Variants in MARK1 observed in about 807,000 individuals in gnomAD.
MARK1 encodes the protein serine/threonine-protein kinase MARK1.
MARK1 carries 40 observed loss-of-function variants against 96.3 expected under a neutral mutation model. That is an observed-to-expected ratio of 0.42 (90% CI 0.32 to 0.54). The LOEUF (loss-of-function observed/expected upper bound fraction) is 0.54. MARK1 is among the 20% of genes least tolerant of loss of function. The probability of loss-of-function intolerance (pLI) is 0.16; values close to 1 mark genes in which losing one functional copy is unlikely to be tolerated. For synonymous variants in MARK1, 317 were observed against 341.2 expected, an observed-to-expected ratio of 0.93 and a Z score of 0.78; for missense variants, 719 against 984.6, an observed-to-expected ratio of 0.73 and a Z score of 3.61.
chr1:220,564,352 T>C (rs888871757), intron 1 of MARK1, among the ~76,000 whole-genome samples: 11 of 152,218 alleles, frequency 7.2e-5, no homozygotes, highest in African/African-American at 2.7e-4. Context: ...CTTTGTTTCA[T>C]ACATGAAAAT....
At chr1:220,600,745 T>A (rs1002230528) in intron 5 of MARK1, among the ~76,000 whole-genome samples, 2 of 152,178 alleles carry the variant, frequency 1.3e-5, no homozygotes, top group Non-Finnish European at 1.5e-5. Context: ...AAAAACTTAG[T>A]GTTGAACTTA....
At chr1:220,566,838 T>C (rs1663093291) in intron 1 of MARK1, among the ~76,000 whole-genome samples, 1 of 152,166 alleles carries the variant, frequency 6.6e-6, no homozygotes, top group Admixed American at 6.5e-5. Flanking sequence ...TGAATGCTTT[T>C]TTAGACATTA....
chr1:220,598,164 G>A (rs1665498741), intron 3 of MARK1, among the ~76,000 whole-genome samples, 167 bp from the exon 4 acceptor site: 2 of 151,990 alleles, frequency 1.3e-5, no homozygotes, highest in Admixed American at 6.6e-5. Context: ...AGTTAACATA[G>A]CTTGTTTGTA....
chr1:220,629,352 CTT>C (rs77070158), intron 9 of MARK1, among the ~76,000 whole-genome samples: 62 of 134,318 alleles, frequency 4.6e-4, no homozygotes, highest in Admixed American at 4.5e-4. Flanking sequence ...ACAAGATTGC[CTT>C]TTTTTTTTTT....
At chr1:220,585,997 A>G (rs1311082442) in intron 3 of MARK1, among the ~76,000 whole-genome samples, 1,170 of 27,014 alleles carry the variant, frequency 0.043, 15 homozygotes, top group African/African-American at 0.057. Flanking sequence ...ACACACACAC[A>G]CACACACACA....
At chr1:220,632,107 T>G (rs1667710178) in intron 10 of MARK1, 94 bp from the exon 11 acceptor site, 2 of 562,080 alleles carry the variant, frequency 3.6e-6, no homozygotes, top group Non-Finnish European at 6.3e-6. Context: ...TGACTAAGTT[T>G]TCATATTCAA....
chr1:220,587,391 G>A (rs552890003), intron 3 of MARK1, among the ~76,000 whole-genome samples: 10 of 142,428 alleles, frequency 7.0e-5, no homozygotes, highest in Non-Finnish European at 9.1e-5. Flanking sequence ...TTTTTTGGAC[G>A]GAGTTTCACT....
chr1:220,631,488 A>G (rs748531032), intron 10 of MARK1, among the ~76,000 whole-genome samples: 47 of 152,196 alleles, frequency 3.1e-4, no homozygotes, highest in Non-Finnish European at 4.4e-4. Context: ...AACCAAAGAC[A>G]TAGAGGCACC....
chr1:220,583,902 G>A lies in MARK1; in HGVS notation c.309+2784G>A, dbSNP rs185608010. ...AGGATGGTCTCGATCTCCTGACCTC[G>A]TGATATACCCACCTCGGCCTCCCAA... On this transcript the variant is annotated intron_variant, in intron 3 of 17. Coordinates refer to ENST00000366917, the MANE Select transcript of MARK1 (RefSeq NM_018650.5). Among the ~76,000 whole-genome samples the A allele has an allele frequency of 2.7e-5, 4 of 145,796 alleles. No homozygotes were observed. The East Asian group carries it at 6.1e-4, about 22-fold the overall frequency.
Position 220,647,197 on chromosome 1 carries a change from C to T in MARK1, c.1471-3423C>T, listed in dbSNP as rs193181043. Reference sequence around the variant, plus strand: ...ATCCAGAATCTACAAGGAACTTAAGCAAATTTACAAGAAAAAAAGAACCCC... The same window carrying T: ...ATCCAGAATCTACAAGGAACTTAAGTAAATTTACAAGAAAAAAAGAACCCC... On this transcript the variant is annotated intron_variant, in intron 13 of 17. Transcript: ENST00000366917. Among the ~76,000 whole-genome samples, 1,133 of 151,966 alleles carry T rather than the reference C, an allele frequency of 7.5e-3. 14 individuals carry two copies. The highest frequency in any genetic ancestry group is 0.025 in the African/African-American group (1,021 of 41,468).
chr1:220,647,871 AAC>A (rs1668665364), intron 13 of MARK1, among the ~76,000 whole-genome samples: 1 of 152,122 alleles, frequency 6.6e-6, no homozygotes, highest in African/African-American at 2.4e-5. Context: ...AGAGGGGAAC[AAC>A]ACACACTGGG....
chr1:220,535,712 G>A (rs1660638483), intron 1 of MARK1, among the ~76,000 whole-genome samples: 1 of 152,084 alleles, frequency 6.6e-6, no homozygotes, highest in Admixed American at 6.5e-5. Flanking sequence ...TGAGGGTCCA[G>A]TGTCATTCTT....
At position 220,579,536 on chromosome 1, in the gene MARK1, A is replaced by G. The variant is rs374388496; in HGVS notation, c.234A>G (p.Arg78=). The G allele has an allele frequency of 1.2e-6, 2 of 1,613,998 alleles. No individual in the cohort carries two copies. The highest frequency in any genetic ancestry group is 2.7e-5 in the African/African-American group (2 of 75,052). The change falls in exon 2 of 18, where the codon AGA becomes AGG. Residue 78 remains arginine, a synonymous_variant. Coordinates refer to ENST00000366917, the MANE Select transcript of MARK1 (RefSeq NM_018650.5). ...KGNFAKVKLA[R]HVLTGREVAV... ...ATTTTGCCAAAGTCAAATTGGCAAG[A>G]CACGTTCTAACTGGTAGAGAGGTAA...
At chr1:220,577,409 C>T (rs1644948925) in intron 1 of MARK1, among the ~76,000 whole-genome samples, 1 of 152,216 alleles carries the variant, frequency 6.6e-6, no homozygotes, top group Admixed American at 6.5e-5. Flanking sequence ...TAATTAAAAT[C>T]TCTTGTTTCT....
intron 9 of MARK1, among the ~76,000 whole-genome samples, chr1:220,624,753 A>G (rs1429887941): frequency 6.6e-6 from 1 of 152,232 alleles, no homozygotes; most frequent in Non-Finnish European, 1.5e-5. Context: ...TTAACTGAGA[A>G]ACATCAGAAA....
chr1:220,641,948 C>G (rs1020040113), intron 13 of MARK1, among the ~76,000 whole-genome samples: 1 of 152,224 alleles, frequency 6.6e-6, no homozygotes, highest in Non-Finnish European at 1.5e-5. Flanking sequence ...CCTACACCAC[C>G]AGAGCCCTGG....
At chr1:220,633,531 T>C (rs939682389) in intron 11 of MARK1, among the ~76,000 whole-genome samples, 2 of 152,210 alleles carry the variant, frequency 1.3e-5, no homozygotes, top group African/African-American at 4.8e-5. Context: ...GTCTCTGCTC[T>C]CAAGGAGCCC....
chr1:220,578,757 A>T (rs1198316425), intron 1 of MARK1, among the ~76,000 whole-genome samples: 1 of 152,196 alleles, frequency 6.6e-6, no homozygotes, highest in Admixed American at 6.5e-5. Flanking sequence ...TAACACCTTT[A>T]TAGGAATAAT....
At chr1:220,550,383 T>G (rs1224378011) in intron 1 of MARK1, among the ~76,000 whole-genome samples, 2 of 152,202 alleles carry the variant, frequency 1.3e-5, no homozygotes, top group Non-Finnish European at 1.5e-5. Context: ...GACAAGGTCT[T>G]GCTCCGTTGC....
Sources: gnomAD v4.1 joint callset for allele counts (sites outside exome capture counted in the v4.1 genomes callset) on GRCh38, gnomAD v4.1.1 for gene constraint, MANE v1.5 for transcripts, NCBI Gene and HGNC (gene_info 2026-07-23, HGNC 2026-07-21) for gene names.